Variants in B2M observed in about 807,000 individuals in gnomAD.
B2M encodes beta chain of MHC class I molecules.
A neutral mutation model predicts 14.5 loss-of-function variants in B2M; 3 were observed. The ratio of observed to expected loss-of-function variants is 0.21; its 90% CI spans 0.09 to 0.53. The LOEUF (loss-of-function observed/expected upper bound fraction) is 0.53, where lower values mean the gene tolerates loss of function less well. Among genes scored for constraint, B2M ranks in the 20% least tolerant of loss-of-function variants. B2M has a pLI of 0.95. For missense variants in B2M, 107 were observed against 140.8 expected, an observed-to-expected ratio of 0.76 and a Z score of 1.21; for synonymous variants, 45 against 52.7, an observed-to-expected ratio of 0.85 and a Z score of 0.64.
chr15:44,714,537 T>G (rs758085990), intron 1 of B2M: 1 of 152,066 alleles, frequency 6.6e-6, no homozygotes, highest in Non-Finnish European at 1.5e-5. Flanking sequence ...GGCTGATCAC[T>G]TGAAGTTGGG....
At chr15:44,711,701 T>C in intron 1 of B2M, 88 bp downstream of exon 1, 14 of 1,472,442 alleles carry the variant, frequency 9.5e-6, no homozygotes, top group Non-Finnish European at 1.3e-5. Context: ...GCTCCGTGAC[T>C]TCCCTTCTCC....
chr15:44,716,600 G>A, intron 3 of B2M: 2 of 555,888 alleles, frequency 3.6e-6, no homozygotes, highest in Non-Finnish European at 6.4e-6. Flanking sequence ...TGCCAGTATG[G>A]TATTGCAGGA....
chr15:44,711,982 G>T (rs951882518), intron 1 of B2M: 22 of 416,734 alleles, frequency 5.3e-5, no homozygotes, highest in Admixed American at 3.6e-4. Flanking sequence ...CAGCTGGAGT[G>T]GGGGACGGGT....
At chr15:44,713,565 A>G (rs1487599334) in intron 1 of B2M, 1 of 152,200 alleles carries the variant, frequency 6.6e-6, no homozygotes, top group East Asian at 1.9e-4. Flanking sequence ...TCATAAAGCC[A>G]GTAACTGGTT....
At chr15:44,716,300 C>CT (rs771623337) in intron 2 of B2M, 29 bp from the exon 3 acceptor site, 29 of 1,605,456 alleles carry the variant, frequency 1.8e-5, no homozygotes, top group South Asian at 4.4e-5. Context: ...TAATGTCTTC[C>CT]TTTTTTTTCT....
chr15:44,716,542 C>T, intron 3 of B2M, 186 bp downstream of exon 3: 2 of 664,934 alleles, frequency 3.0e-6, no homozygotes, highest in Non-Finnish European at 5.2e-6. Context: ...GGTGTATGGC[C>T]CCAGGTATGG....
intron 3 of B2M, chr15:44,717,140 T>C (rs2086950812): frequency 6.6e-6 from 1 of 152,228 alleles, no homozygotes; most frequent in Admixed American, 6.5e-5. Flanking sequence ...AGTCATGTGT[T>C]ACTTAATGAC....
At chr15:44,711,634 C>G (rs576567533) in intron 1 of B2M, 21 bp downstream of exon 1, 2 of 1,607,296 alleles carry the variant, frequency 1.2e-6, no homozygotes, top group Non-Finnish European at 1.7e-6. Context: ...CCTACCCTCC[C>G]GCTCTGGTCC....
In B2M at chr15:44,715,567, A is replaced by G; in HGVS notation, c.212A>G (p.His71Arg). The G allele has an allele frequency of 6.2e-7, 1 of 1,614,210 alleles. No homozygotes were observed. Among genetic ancestry groups the G allele is most frequent in the East Asian group, 2.2e-5 (1 of 44,890 alleles). The stretch of plus-strand genomic sequence containing the variant: ...GGAGAGAGAATTGAAAAAGTGGAGC[A>G]TTCAGACTTGTCTTTCAGCAAGGAC... ...KNGERIEKVE[H>R]SDLSFSKDWS... The change falls in exon 2 of 4, where the codon CAT (histidine) becomes CGT (arginine). Residue 71 changes from histidine (H) to arginine (R), a missense_variant. Coordinates refer to ENST00000648006, the MANE Select transcript of B2M (RefSeq NM_004048.4).
At chr15:44,713,302 T>C (rs1395584522) in intron 1 of B2M, 2 of 152,254 alleles carry the variant, frequency 1.3e-5, no homozygotes, top group African/African-American at 4.8e-5. Context: ...TGGTATTTGC[T>C]GGTTATGTTA....
rs996639890 is a variant in B2M at position 44,716,249 on chromosome 15, T to A, written c.347-80T>A. 2.0e-6 allele frequency: 3 copies of A among 1,498,058 alleles called. No homozygotes were observed. In the African/African-American group the frequency reaches 4.1e-5, roughly 21 times the overall value. The allele number at this position is 1,498,058 out of a possible 1,614,324, so 92.8% of individuals were successfully genotyped here. A position where few individuals can be genotyped will look rare whatever the true frequency, so the allele number is the denominator to read the frequency against. On this transcript the variant is annotated intron_variant, in intron 2 of 3. Coordinates refer to ENST00000648006, the MANE Select transcript of B2M (RefSeq NM_004048.4). The stretch of plus-strand genomic sequence containing the variant: ...TTCTGCCAGCCTTATTTCTAACCAT[T>A]TTAGACATTTGTTAGTACATGGTAT...
intron 1 of B2M, chr15:44,715,187 A>C (rs974215834): frequency 1.4e-5 from 8 of 590,288 alleles, no homozygotes; most frequent in African/African-American, 1.3e-4. Flanking sequence ...TAGAAAAAAA[A>C]CAAAAAAGGC....
intron 1 of B2M, chr15:44,713,019 GAGAAA>G (rs948572503): frequency 1.3e-5 from 2 of 150,870 alleles, no homozygotes; most frequent in African/African-American, 4.9e-5. Context: ...AAAAAAGAAA[GAGAAA>G]AGAAAAGAAA....
chr15:44,716,343 G>A lies in B2M; in HGVS notation c.*1G>A, dbSNP rs2086941620. 3 of 1,612,634 alleles carry A rather than the reference G, an allele frequency of 1.9e-6. No homozygotes were observed. The highest frequency in any genetic ancestry group is 8.5e-7 in the Non-Finnish European group (1 of 1,178,648). On this transcript the variant is annotated 3_prime_UTR_variant, in exon 3 of 4. Transcript: ENST00000648006. ...CTTTTTCATAGATCGAGACATGTAA[G>A]CAGCATCATGGAGGTAAGTTTTTGA... is the stretch of plus-strand genomic sequence containing the variant.
intron 1 of B2M, chr15:44,713,549 CA>C (rs2086910748): frequency 6.6e-6 from 1 of 152,116 alleles, no homozygotes; most frequent in South Asian, 2.1e-4. Context: ...AATAACTCTC[CA>C]AAAGTCATAA....
intron 2 of B2M, chr15:44,716,050 C>A (rs943339917): frequency 3.3e-6 from 2 of 600,522 alleles, no homozygotes; most frequent in Non-Finnish European, 5.9e-6. Flanking sequence ...TAGCACTGAA[C>A]GAACATCTCA....
chr15:44,715,412 A>G lies in B2M; in HGVS notation c.68-11A>G, dbSNP rs368695910. On this transcript the variant is annotated splice_polypyrimidine_tract_variant and intron_variant, in intron 1 of 3. Coordinates refer to ENST00000648006, the MANE Select transcript of B2M (RefSeq NM_004048.4). Reference sequence around the variant, plus strand: ...GGCAATATTAATGTGTCTTTTCCCGATATTCCTCAGGTACTCCAAAGATTC... The same window carrying G: ...GGCAATATTAATGTGTCTTTTCCCGGTATTCCTCAGGTACTCCAAAGATTC... 3 of 1,612,752 alleles carry G rather than the reference A, an allele frequency of 1.9e-6. No individual in the cohort carries two copies. Among genetic ancestry groups the G allele is most frequent in the African/African-American group, 1.3e-5 (1 of 74,904 alleles).
chr15:44,716,301 T>G (rs987982175), intron 2 of B2M, 28 bp from the exon 3 acceptor site: 1 of 1,603,926 alleles, frequency 6.2e-7, no homozygotes, highest in Non-Finnish European at 8.5e-7. Flanking sequence ...AATGTCTTCC[T>G]TTTTTTTCTC....
At chr15:44,716,094 G>A (rs2141289497) in intron 2 of B2M, 1 of 615,380 alleles carries the variant, frequency 1.6e-6, no homozygotes, top group East Asian at 2.7e-5. Context: ...AAGTCCTGCT[G>A]TCCTAGCATC....
Sources: gnomAD v4.1 joint callset for allele counts on GRCh38, gnomAD v4.1.1 for gene constraint, MANE v1.5 for transcripts, NCBI Gene and HGNC (gene_info 2026-07-23, HGNC 2026-07-21) for gene names.